THRB: variants seen among roughly 807,000 people sequenced by gnomAD.
THRB encodes nuclear receptor subfamily 1 group A member 2.
A neutral mutation model predicts 47.8 loss-of-function variants in THRB; 12 were observed. That is an observed-to-expected ratio of 0.25 (90% CI 0.16 to 0.41). The LOEUF (loss-of-function observed/expected upper bound fraction) is 0.41, where lower values mean the gene tolerates loss of function less well. Among genes scored for constraint, THRB ranks in the 10% least tolerant of loss-of-function variants. The pLI, the probability that THRB is intolerant of heterozygous loss-of-function variation, is 1.00. For missense variants in THRB, 348 were observed against 589.2 expected (o/e 0.59, Z 4.24); for synonymous variants, 218 against 212.2 (o/e 1.03, Z -0.24).
chr3:24,324,887 T>C (rs1040833837), intron 2 of THRB, among the ~76,000 whole-genome samples: 2 of 152,248 alleles, frequency 1.3e-5, no homozygotes, highest in Admixed American at 6.5e-5. Flanking sequence ...TGTATCTACT[T>C]GCTGAAAAAT....
chr3:24,162,559 GT>G (rs2039025237), intron 5 of THRB, among the ~76,000 whole-genome samples: 1 of 151,748 alleles, frequency 6.6e-6, no homozygotes, highest in African/African-American at 2.4e-5. Flanking sequence ...AATTACATCG[GT>G]TTTCCCCTCC....
rs546236255 is a variant in THRB at position 24,491,075 on chromosome 3, T to A, written c.-261+3577A>T. Among the ~76,000 whole-genome samples, 223 of 152,298 alleles carry A rather than the reference T, an allele frequency of 1.5e-3. 7 individuals are homozygous for A. In the South Asian group the frequency reaches 0.044, roughly 30 times the overall value. ...CATGGCAGGCACTCTACATGTGTCA[T>A]CCTTACAAGTTTAATGCATGCCACC... On this transcript the variant is annotated intron_variant, in intron 1 of 10. Transcript: ENST00000646209.
chr3:24,181,528 T>A (rs2041895030), intron 5 of THRB, among the ~76,000 whole-genome samples: 1 of 152,370 alleles, frequency 6.6e-6, no homozygotes, highest in African/African-American at 2.4e-5. Flanking sequence ...TAGCCTATGA[T>A]CATTACGTCA....
intron 5 of THRB, among the ~76,000 whole-genome samples, chr3:24,165,963 A>G (rs2149295688): frequency 6.6e-6 from 1 of 152,270 alleles, no homozygotes; most frequent in East Asian, 1.9e-4. Context: ...TGACTGACTG[A>G]CTCCAAAACA....
intron 1 of THRB, among the ~76,000 whole-genome samples, chr3:24,378,237 A>G (rs1200385543): frequency 2.6e-5 from 4 of 152,180 alleles, no homozygotes; most frequent in African/African-American, 4.8e-5. Context: ...ACTCATGATT[A>G]TTTAAGATTG....
intron 3 of THRB, among the ~76,000 whole-genome samples, chr3:24,263,960 T>C (rs2052365388): frequency 6.6e-6 from 1 of 152,122 alleles, no homozygotes; most frequent in Non-Finnish European, 1.5e-5. Context: ...GATGAAAAAA[T>C]GATGTTTTTG....
intron 8 of THRB, among the ~76,000 whole-genome samples, chr3:24,134,752 T>C (rs2034393049): frequency 6.6e-6 from 1 of 152,130 alleles, no homozygotes; most frequent in Non-Finnish European, 1.5e-5. Context: ...GATCACAGAC[T>C]CAAGCCCTAC....
chr3:24,302,729 C>T (rs1202772336), intron 2 of THRB, among the ~76,000 whole-genome samples: 1 of 152,216 alleles, frequency 6.6e-6, no homozygotes, highest in Non-Finnish European at 1.5e-5. Flanking sequence ...TTGTATTTTT[C>T]CCCATAGCAC....
At chr3:24,289,974 T>C (rs971650466) in intron 3 of THRB, among the ~76,000 whole-genome samples, 2 of 152,210 alleles carry the variant, frequency 1.3e-5, no homozygotes, top group East Asian at 1.9e-4. Flanking sequence ...TTAAAGTCAA[T>C]GCCTAGCTCC....
At chr3:24,452,801 C>T (rs1488943366) in intron 1 of THRB, among the ~76,000 whole-genome samples, 1 of 152,184 alleles carries the variant, frequency 6.6e-6, no homozygotes, top group Non-Finnish European at 1.5e-5. Flanking sequence ...TCTGCAACCT[C>T]TCCCAAGAAA....
chr3:24,300,231 G>T (rs1294645790), intron 2 of THRB, among the ~76,000 whole-genome samples: 1 of 152,148 alleles, frequency 6.6e-6, no homozygotes, highest in East Asian at 1.9e-4. Context: ...TAAGGACAAA[G>T]TTGATACACT....
intron 1 of THRB, among the ~76,000 whole-genome samples, chr3:24,392,329 T>A (rs762144592): frequency 6.6e-6 from 1 of 152,136 alleles, no homozygotes; most frequent in African/African-American, 2.4e-5. Flanking sequence ...AATAATCAAG[T>A]TGGGGTAATT....
chr3:24,259,399 A>G (rs2051683143), intron 3 of THRB, among the ~76,000 whole-genome samples: 1 of 152,208 alleles, frequency 6.6e-6, no homozygotes. Context: ...GGACACTATT[A>G]GTGCTCAGAC....
rs186605051 is a variant in THRB, at chr3:24,321,459, A to G, written c.-189+15841T>C. On this transcript the variant is annotated intron_variant, in intron 2 of 10. Transcript: ENST00000646209. Reference sequence around the variant, plus strand: ...CATTTTTCATTTATAGAAATAACATAGATTCCTTTTAAAATAATTTATGTA... The same window carrying G: ...CATTTTTCATTTATAGAAATAACATGGATTCCTTTTAAAATAATTTATGTA... 1.3e-3 allele frequency among the ~76,000 whole-genome samples: 198 copies of G among 152,318 alleles called. 6 individuals are homozygous for G. Among genetic ancestry groups the G allele is most frequent in the Admixed American group, 0.012 (185 of 15,294 alleles).
At position 24,358,150 on chromosome 3, in the gene THRB, G is replaced by T. The variant is rs186622940; in HGVS notation, c.-260-20779C>A. On this transcript the variant is annotated intron_variant, in intron 1 of 10. Coordinates refer to ENST00000646209, the MANE Select transcript of THRB (RefSeq NM_001354712.2). ...TTTGCACACTTTACTATTAGATATT[G>T]TTTTTCTTACTAATTCATAAGAGTG... Among the ~76,000 whole-genome samples the T allele has an allele frequency of 9.9e-3, 1,501 of 152,150 alleles. 22 individuals carry two copies. Among genetic ancestry groups the T allele is most frequent in the African/African-American group, 0.035 (1,444 of 41,512 alleles).
chr3:24,397,908 C>T (rs923670663), intron 1 of THRB, among the ~76,000 whole-genome samples: 2 of 152,080 alleles, frequency 1.3e-5, no homozygotes, highest in Admixed American at 6.6e-5. Flanking sequence ...GCCCACATAA[C>T]ACATAGAGAG....
intron 4 of THRB, among the ~76,000 whole-genome samples, chr3:24,218,340 C>CCTT (rs1553648986): frequency 8.5e-6 from 1 of 117,278 alleles, no homozygotes; most frequent in Non-Finnish European, 1.6e-5. Flanking sequence ...CTCTCTCTCT[C>CCTT]TCTTTTTTTT....
intron 1 of THRB, chr3:24,458,929 T>G (rs1040726686): frequency 6.6e-6 from 1 of 151,098 alleles, no homozygotes; most frequent in African/African-American, 2.4e-5. Context: ...TTTCTGATAT[T>G]TATGTATTTA....
intron 5 of THRB, among the ~76,000 whole-genome samples, chr3:24,183,937 G>A (rs969759622): frequency 4.6e-5 from 7 of 152,038 alleles, no homozygotes; most frequent in South Asian, 2.1e-4. Flanking sequence ...TTATTAATAC[G>A]TTCTTGTAAA....
Sources: gnomAD v4.1 joint callset for allele counts (sites outside exome capture counted in the v4.1 genomes callset) on GRCh38, gnomAD v4.1.1 for gene constraint, MANE v1.5 for transcripts, NCBI Gene and HGNC (gene_info 2026-07-23, HGNC 2026-07-21) for gene names.